Variants in DNAI7 observed in about 807,000 individuals in gnomAD.
The protein encoded by DNAI7 is dynein axonemal intermediate chain 7.
DNAI7 carries 78 observed loss-of-function variants against 86.6 expected under a neutral mutation model. That is an observed-to-expected ratio of 0.90 (90% confidence interval 0.75 to 1.09). DNAI7 has a LOEUF of 1.09. Among genes scored for constraint, DNAI7 ranks in the 50% least tolerant of loss-of-function variants. DNAI7 has a pLI of 0.00. For synonymous variants in DNAI7, 274 were observed against 273.0 expected (o/e 1.00, Z -0.04); for missense variants, 753 against 810.2 (o/e 0.93, Z 0.86).
intron 2 of DNAI7, among the ~76,000 whole-genome samples, chr12:25,172,730 G>A (rs1228507672): frequency 2.0e-5 from 3 of 152,078 alleles, no homozygotes; most frequent in African/African-American, 4.8e-5. Flanking sequence ...CACCAAAACA[G>A]TGTGGTACTG....
At position 25,114,970 on chromosome 12, in the gene DNAI7, C is replaced by A; in HGVS notation, c.1397-100G>T. On this transcript the variant is annotated intron_variant, in intron 12 of 15. Coordinates refer to ENST00000395987, the MANE Select transcript of DNAI7 (RefSeq NM_018272.5). ...AAAATTGCTTTGTGTATAAATTGAT[C>A]TTTCATATTTAGAATAGAAACTCAA... 3.5e-6 allele frequency: 3 copies of A among 853,458 alleles called. No individual in the cohort carries two copies. The South Asian group carries it at 5.3e-5, about 15-fold the overall frequency. The allele number at this position is 853,458 out of a possible 1,614,324, so 52.9% of individuals were successfully genotyped here.
chr12:25,113,447 G>A (rs1361574299), intron 13 of DNAI7, among the ~76,000 whole-genome samples: 2 of 152,014 alleles, frequency 1.3e-5, no homozygotes, highest in African/African-American at 2.4e-5. Flanking sequence ...GACTACAGGC[G>A]TGTGCCACCA....
At chr12:25,124,345 C>T (rs1941780083) in intron 9 of DNAI7, among the ~76,000 whole-genome samples, 1 of 151,122 alleles carries the variant, frequency 6.6e-6, no homozygotes, top group African/African-American at 2.4e-5. Context: ...AACCTTCTCC[C>T]TTATTTATTC....
chr12:25,141,819 G>T (rs1207810572), intron 9 of DNAI7, among the ~76,000 whole-genome samples: 1 of 146,142 alleles, frequency 6.8e-6, no homozygotes, highest in Non-Finnish European at 1.5e-5. Flanking sequence ...GACAGAGTGA[G>T]ACTCTGTCTC....
chr12:25,138,399 G>C (rs1943801620), intron 9 of DNAI7, among the ~76,000 whole-genome samples: 1 of 152,142 alleles, frequency 6.6e-6, no homozygotes, highest in Non-Finnish European at 1.5e-5. Flanking sequence ...GGAGGCAGAG[G>C]CTGCAGTGAG....
chr12:25,139,502 A>G (rs972666006), intron 9 of DNAI7, among the ~76,000 whole-genome samples: 1 of 152,160 alleles, frequency 6.6e-6, no homozygotes, highest in African/African-American at 2.4e-5. Context: ...TATCAAAAAG[A>G]TAATTCATGC....
intron 2 of DNAI7, among the ~76,000 whole-genome samples, chr12:25,181,330 G>A (rs1027123566): frequency 4.0e-5 from 6 of 151,874 alleles, no homozygotes; most frequent in Non-Finnish European, 7.4e-5. Flanking sequence ...TGTTTCCCAG[G>A]TTGGTCTTGA....
chr12:25,178,784 A>G (rs1949225913), intron 2 of DNAI7, among the ~76,000 whole-genome samples: 1 of 152,162 alleles, frequency 6.6e-6, no homozygotes, highest in Non-Finnish European at 1.5e-5. Flanking sequence ...GATTGGCCTC[A>G]TGGAGAAGGC....
chr12:25,121,217 C>A (rs1161350403), intron 11 of DNAI7, among the ~76,000 whole-genome samples: 1 of 152,132 alleles, frequency 6.6e-6, no homozygotes, highest in Non-Finnish European at 1.5e-5. Flanking sequence ...TGCCTCTGCT[C>A]GAGGGAACAC....
At chr12:25,137,457 A>G (rs1431286439) in intron 9 of DNAI7, among the ~76,000 whole-genome samples, 1 of 152,202 alleles carries the variant, frequency 6.6e-6, no homozygotes, top group Non-Finnish European at 1.5e-5. Flanking sequence ...AGGGCCTATA[A>G]AACAATAACA....
At chr12:25,159,484 T>TA (rs1298464362) in intron 3 of DNAI7, among the ~76,000 whole-genome samples, 3 of 149,954 alleles carry the variant, frequency 2.0e-5, no homozygotes, top group Non-Finnish European at 3.0e-5. Context: ...TGGTCAAAAA[T>TA]AAAAAAATAA....
At chr12:25,117,554 G>T (rs1384115337) in intron 12 of DNAI7, among the ~76,000 whole-genome samples, 1 of 151,814 alleles carries the variant, frequency 6.6e-6, no homozygotes, top group Admixed American at 6.6e-5. Flanking sequence ...TCCTTAAAAT[G>T]GCATACATTA....
At chr12:25,164,669 C>T (rs928568542) in intron 2 of DNAI7, among the ~76,000 whole-genome samples, 1 of 152,094 alleles carries the variant, frequency 6.6e-6, no homozygotes, top group Non-Finnish European at 1.5e-5. Flanking sequence ...ACACATCAGT[C>T]CCTCCCTAGT....
At chr12:25,152,483 G>C (rs953817526) in intron 6 of DNAI7, among the ~76,000 whole-genome samples, 1 of 152,166 alleles carries the variant, frequency 6.6e-6, no homozygotes, top group Non-Finnish European at 1.5e-5. Flanking sequence ...GCCCCAAGAG[G>C]GCACGGAAGC....
rs553953505 is a variant in DNAI7 at position 25,174,720 on chromosome 12, T to G, written c.22-13523A>C. On this transcript the variant is annotated intron_variant, in intron 2 of 15. Transcript: ENST00000395987. Reference sequence around the variant, plus strand: ...ATAGATATCATACATATGGAATATATATATCATATATATATGGAATATATA... The same window carrying G: ...ATAGATATCATACATATGGAATATAGATATCATATATATATGGAATATATA... Among the ~76,000 whole-genome samples the G allele has an allele frequency of 6.3e-4, 59 of 93,522 alleles. 2 individuals are homozygous for G. The highest frequency in any genetic ancestry group is 3.5e-3 in the East Asian group (6 of 1,708). The allele number at this position is 93,522 out of a possible 152,430, so 61.4% of individuals were successfully genotyped here.
chr12:25,111,869 C>T lies in DNAI7; in HGVS notation c.1682G>A (p.Trp561Ter). ...AATAATGAAAGGAATAGGAGTCATC[C>T]AGGTTCCTTCCAAAATAGAGATGTG... ...KKHISILEGT[W>*]MTPIPFIIAL... The change falls in exon 14 of 16, where the codon TGG becomes TAG. Residue 561 changes from tryptophan to a stop codon, truncating the protein, a stop_gained. Coordinates refer to ENST00000395987, the MANE Select transcript of DNAI7 (RefSeq NM_018272.5). LOFTEE classifies it high-confidence loss of function. 6.2e-7 allele frequency: 1 copy of T among 1,607,432 alleles called. No individual in the cohort carries two copies. The highest frequency in any genetic ancestry group is 1.7e-4 in the Middle Eastern group (1 of 6,030).
intron 3 of DNAI7, 65 bp from the exon 4 acceptor site, chr12:25,158,628 T>G: frequency 6.5e-7 from 1 of 1,536,290 alleles, no homozygotes; most frequent in Non-Finnish European, 8.8e-7. Context: ...CCCTTAAAAT[T>G]ACTCCTAATA....
At chr12:25,110,074 C>T in intron 15 of DNAI7, 53 bp downstream of exon 15, 1 of 885,870 alleles carries the variant, frequency 1.1e-6, no homozygotes, top group Non-Finnish European at 1.9e-6. Flanking sequence ...TCTTTGAGTA[C>T]TTTATCTTCT....
At chr12:25,177,152 C>T (rs1949049338) in intron 2 of DNAI7, among the ~76,000 whole-genome samples, 1 of 152,142 alleles carries the variant, frequency 6.6e-6, no homozygotes, top group African/African-American at 2.4e-5. Flanking sequence ...ATTCACCTGC[C>T]TTGGCCTCCC....
Sources: gnomAD v4.1 joint callset for allele counts (sites outside exome capture counted in the v4.1 genomes callset) on GRCh38, gnomAD v4.1.1 for gene constraint, MANE v1.5 for transcripts, NCBI Gene and HGNC (gene_info 2026-07-23, HGNC 2026-07-21) for gene names.